Variants in CCDC88C observed in about 807,000 individuals in gnomAD.
The protein encoded by CCDC88C is protein Daple.
CCDC88C carries 131 observed loss-of-function variants against 198.8 expected under a neutral mutation model. The observed-to-expected ratio is 0.66, with a 90% CI of 0.57 to 0.76. CCDC88C has a LOEUF of 0.76. CCDC88C is among the 30% of genes least tolerant of loss of function. CCDC88C has a pLI of 0.00. For missense variants in CCDC88C, 2,553 were observed against 2,631.6 expected (o/e 0.97, Z 0.65); for synonymous variants, 1,166 against 1,114.7 (o/e 1.05, Z -0.92).
chr14:91,404,732 G>A (rs1331276827), intron 3 of CCDC88C, among the ~76,000 whole-genome samples: 2 of 152,304 alleles, frequency 1.3e-5, no homozygotes, highest in East Asian at 3.9e-4. Context: ...GGGAGGCTGA[G>A]GCGGGTGGAT....
At chr14:91,305,217 T>C (rs1891509237) in intron 19 of CCDC88C, among the ~76,000 whole-genome samples, 1 of 152,138 alleles carries the variant, frequency 6.6e-6, no homozygotes, top group African/African-American at 2.4e-5. Flanking sequence ...AAACAAAAAC[T>C]GCAATAAATA....
At chr14:91,404,886 AC>A (rs2140007300) in intron 3 of CCDC88C, among the ~76,000 whole-genome samples, 1 of 149,674 alleles carries the variant, frequency 6.7e-6, no homozygotes, top group South Asian at 2.1e-4. Context: ...AATGGCATGA[AC>A]CCGGGAGGCA....
intron 4 of CCDC88C, among the ~76,000 whole-genome samples, chr14:91,359,403 C>T (rs1445444811): frequency 2.0e-5 from 3 of 152,066 alleles, no homozygotes; most frequent in African/African-American, 4.8e-5. Flanking sequence ...TCCCAAAGTG[C>T]TGGGATTACA....
At chr14:91,417,482 G>T in intron 1 of CCDC88C, 149 bp downstream of exon 1, 1 of 625,570 alleles carries the variant, frequency 1.6e-6, no homozygotes, top group Non-Finnish European at 2.7e-6. Flanking sequence ...CCAGGACGCG[G>T]CCCCAACCCC....
At position 91,309,985 on chromosome 14, in the gene CCDC88C, T is replaced by C; in HGVS notation, c.2738A>G (p.Asp913Gly). The C allele has an allele frequency of 6.3e-7, 1 of 1,594,676 alleles. No homozygotes were observed. ...GCTCTTCAGCTTCTCGAGCACCAGG[T>C]CCTGGAATGATGGGGAGAGAGCACT... The part of the protein sequence containing the change: ...HARTLTTLRE[D>G]LVLEKLKSQQ... Residue 913 changes from aspartate to glycine, a missense_variant and splice_region_variant, in exon 16 of 30, where the codon GAC becomes GGC. Asp to Gly is a moderately conservative substitution (Grantham distance 94). Around this residue, in one of 2 missense-constraint regions of CCDC88C, gnomAD observed 1,260 missense variants for 1,412.0 expected, o/e 0.89. Transcript: ENST00000389857.
chr14:91,342,129 A>G (rs1211800168), intron 6 of CCDC88C: 1 of 398,640 alleles, frequency 2.5e-6, no homozygotes, highest in Non-Finnish European at 4.5e-6. Flanking sequence ...AGAAGGAGAC[A>G]AAAGATGACT....
chr14:91,417,241 GA>G (rs1812641302), intron 1 of CCDC88C: 2 of 700,800 alleles, frequency 2.9e-6, no homozygotes, highest in East Asian at 5.4e-5. Context: ...CAGGGATTCA[GA>G]AAAACTACAT....
intron 18 of CCDC88C, among the ~76,000 whole-genome samples, chr14:91,306,753 G>A (rs1452059368): frequency 6.6e-6 from 1 of 152,242 alleles, no homozygotes; most frequent in Admixed American, 6.5e-5. Flanking sequence ...AAAAGCAGGT[G>A]GGGGCTGGAG....
intron 2 of CCDC88C, among the ~76,000 whole-genome samples, chr14:91,409,547 GCACGATCTCAGCT>G (rs1886696287): frequency 6.7e-6 from 1 of 149,154 alleles, no homozygotes; most frequent in African/African-American, 2.5e-5. Flanking sequence ...GAGGGCAGTG[GCACGATCTCAGCT>G]CACTGCAACC....
At chr14:91,416,441 A>C (rs1035342397) in intron 2 of CCDC88C, among the ~76,000 whole-genome samples, 1 of 152,188 alleles carries the variant, frequency 6.6e-6, no homozygotes, top group South Asian at 2.1e-4. Flanking sequence ...TTCATTGCTC[A>C]AACCACAATT....
chr14:91,403,177 C>A (rs763397927), intron 3 of CCDC88C, among the ~76,000 whole-genome samples: 1 of 152,094 alleles, frequency 6.6e-6, no homozygotes, highest in Non-Finnish European at 1.5e-5. Flanking sequence ...CGAGGAGAGG[C>A]GCATGAAGAA....
rs989911773 is a variant in CCDC88C, at chr14:91,338,360, G to A, written c.891+129C>T. On this transcript the variant is annotated intron_variant, in intron 9 of 29. Transcript: ENST00000389857. This position sits in a 1 kb window ranked among gnomAD's most constrained non-coding sequence, Gnocchi z 4.8. Reference sequence around the variant, plus strand: ...AAGAAACAGGGTCATCCCCATAGCCGTGCTCAGGACAAGTGGCTCTTGTGT... The same window carrying A: ...AAGAAACAGGGTCATCCCCATAGCCATGCTCAGGACAAGTGGCTCTTGTGT... 1.1e-5 allele frequency: 11 copies of A among 980,688 alleles called. 1 individual carries two copies. Among genetic ancestry groups the A allele is most frequent in the East Asian group, 5.2e-5 (2 of 38,118 alleles). 60.7% of individuals were successfully genotyped at this position (980,688 alleles called of 1,614,324 possible).
At chr14:91,293,501 T>C (rs61988374) in intron 23 of CCDC88C, among the ~76,000 whole-genome samples, 16,142 of 23,940 alleles carry the variant, frequency 0.67, 4,884 homozygotes, top group African/African-American at 0.7. Context: ...CATCCTCACC[T>C]GCCACGGCCT....
intron 4 of CCDC88C, among the ~76,000 whole-genome samples, chr14:91,350,747 G>C (rs1596100820): frequency 2.2e-5 from 2 of 92,160 alleles, no homozygotes; most frequent in Non-Finnish European, 6.0e-5. Context: ...GCCAGGCTCA[G>C]GGTTTAACCC....
At chr14:91,384,438 T>C in intron 3 of CCDC88C, 1 of 523,280 alleles carries the variant, frequency 1.9e-6, no homozygotes, top group Non-Finnish European at 3.9e-6. Context: ...GCTTGCACTC[T>C]GTTGGGTTTT....
rs572768513 is a variant in CCDC88C at position 91,366,965 on chromosome 14, G to C, written c.271-7254C>G. 6.4e-4 allele frequency among the ~76,000 whole-genome samples: 97 copies of C among 152,330 alleles called. 1 individual carries two copies. The highest frequency in any genetic ancestry group is 2.2e-3 in the African/African-American group (93 of 41,558). On this transcript the variant is annotated intron_variant, in intron 3 of 29. Coordinates refer to ENST00000389857, the MANE Select transcript of CCDC88C (RefSeq NM_001080414.4). ...AGGTGGGAGAAACATTACAGTCCTGGGAAAGATGCAGGTGGAAACACCGTT... is the reference window on the plus strand; with the variant it reads ...AGGTGGGAGAAACATTACAGTCCTGCGAAAGATGCAGGTGGAAACACCGTT...
In CCDC88C at chr14:91,271,872, T is replaced by A. The variant is rs1251068685; in HGVS notation, c.*753A>T. ...TGGGGGCCTCTTTCCTGCCCCCCAATCCCCAGGCCTGGCAGATCCAGTGTT... is the reference window on the plus strand; with the variant it reads ...TGGGGGCCTCTTTCCTGCCCCCCAAACCCCAGGCCTGGCAGATCCAGTGTT... On this transcript the variant is annotated 3_prime_UTR_variant, in exon 30 of 30. Transcript: ENST00000389857. 1 of 152,726 alleles carries A rather than the reference T, an allele frequency of 6.5e-6. No homozygotes were observed. The highest frequency in any genetic ancestry group is 2.4e-5 in the African/African-American group (1 of 41,438). The allele number at this position is 152,726 out of a possible 1,614,324, so 9.5% of individuals were successfully genotyped here. A position where few individuals can be genotyped will look rare whatever the true frequency, so the allele number is the denominator to read the frequency against.
intron 10 of CCDC88C, among the ~76,000 whole-genome samples, chr14:91,328,359 C>T (rs1892663661): frequency 2.6e-5 from 4 of 152,198 alleles, no homozygotes; most frequent in Admixed American, 2.6e-4. Context: ...AAGCTGTGTC[C>T]AAGCTCCCGA....
intron 4 of CCDC88C, among the ~76,000 whole-genome samples, chr14:91,354,140 C>T (rs1893934932): frequency 1.3e-5 from 2 of 152,166 alleles, no homozygotes; most frequent in South Asian, 2.1e-4. Flanking sequence ...TAAATGGCTT[C>T]GGTGGGATCG....
Sources: allele counts gnomAD v4.1 joint callset (sites outside exome capture counted in the v4.1 genomes callset), GRCh38; gene constraint gnomAD v4.1.1; regional missense constraint gnomAD v4.1.1; non-coding constraint Gnocchi (gnomAD v3.1); transcripts MANE v1.5; gene names NCBI Gene and HGNC (gene_info 2026-07-23, HGNC 2026-07-21).